Variants in NXPH1 observed in about 807,000 individuals in gnomAD.
NXPH1 encodes the protein neurexophilin-1.
A neutral mutation model predicts 23.7 loss-of-function variants in NXPH1; 5 were observed. The ratio of observed to expected loss-of-function variants is 0.21; its 90% confidence interval spans 0.11 to 0.44. The LOEUF (loss-of-function observed/expected upper bound fraction) is 0.44. Among genes scored for constraint, NXPH1 ranks in the 20% least tolerant of loss-of-function variants. NXPH1 has a pLI of 0.99. For missense variants in NXPH1, 324 were observed against 321.6 expected (o/e 1.01, Z -0.06); for synonymous variants, 144 against 122.2 (o/e 1.18, Z -1.18).
chr7:8,558,751 C>A (rs954718344), intron 2 of NXPH1, among the ~76,000 whole-genome samples: 2 of 151,638 alleles, frequency 1.3e-5, no homozygotes, highest in Admixed American at 6.6e-5. Flanking sequence ...CAGCCTACAG[C>A]AGATTTCGAG....
At chr7:8,745,669 C>A (rs914549880) in intron 2 of NXPH1, among the ~76,000 whole-genome samples, 2 of 151,380 alleles carry the variant, frequency 1.3e-5, no homozygotes, top group African/African-American at 4.9e-5. Flanking sequence ...TCTCCTGCCT[C>A]TGCCTCCCTA....
At position 8,546,700 on chromosome 7, in the gene NXPH1, T is replaced by A. The variant is rs553102877; in HGVS notation, c.54+110933T>A. 2.6e-5 allele frequency among the ~76,000 whole-genome samples: 4 copies of A among 151,558 alleles called. No individual in the cohort carries two copies. In the East Asian group the frequency reaches 7.8e-4, roughly 30 times the overall value. ...GCTTGCTTATCTTTCTGCTCATTCA[T>A]CTCCCAGTGACCCCTCTTCCCTGCT... On this transcript the variant is annotated intron_variant, in intron 2 of 2. Coordinates refer to ENST00000405863, the MANE Select transcript of NXPH1 (RefSeq NM_152745.3).
At chr7:8,623,402 ACAAT>A (rs1252244109) in intron 2 of NXPH1, among the ~76,000 whole-genome samples, 20 of 152,202 alleles carry the variant, frequency 1.3e-4, no homozygotes, top group Admixed American at 9.2e-4. Flanking sequence ...TTTCAAGTAA[ACAAT>A]CAGACAAATT....
At chr7:8,490,260 AAC>A (rs1261797734) in intron 2 of NXPH1, among the ~76,000 whole-genome samples, 1 of 152,122 alleles carries the variant, frequency 6.6e-6, no homozygotes, top group Admixed American at 6.6e-5. Context: ...AATTTTAAAA[AAC>A]ACAGGAGAGA....
At chr7:8,717,257 A>G (rs1428636202) in intron 2 of NXPH1, among the ~76,000 whole-genome samples, 8 of 151,548 alleles carry the variant, frequency 5.3e-5, no homozygotes, top group Non-Finnish European at 8.9e-5. Context: ...TGATTTTAAG[A>G]AAAAAAATGT....
chr7:8,692,779 C>T (rs144703403), intron 2 of NXPH1, among the ~76,000 whole-genome samples: 1 of 152,074 alleles, frequency 6.6e-6, no homozygotes, highest in African/African-American at 2.4e-5. Flanking sequence ...GTGATGGTAA[C>T]TTCTAAAGCC....
At chr7:8,528,652 G>A (rs1817902679) in intron 2 of NXPH1, among the ~76,000 whole-genome samples, 1 of 152,146 alleles carries the variant, frequency 6.6e-6, no homozygotes, top group African/African-American at 2.4e-5. Flanking sequence ...GTTTGCTACT[G>A]ACAATCATAA....
At chr7:8,683,206 A>C (rs960075232) in intron 2 of NXPH1, among the ~76,000 whole-genome samples, 1 of 152,190 alleles carries the variant, frequency 6.6e-6, no homozygotes, top group Non-Finnish European at 1.5e-5. Flanking sequence ...GGCTCTTTTA[A>C]ACAACTGTCT....
intron 2 of NXPH1, among the ~76,000 whole-genome samples, chr7:8,549,415 T>G (rs1818245745): frequency 6.6e-6 from 1 of 151,596 alleles, no homozygotes; most frequent in Admixed American, 6.6e-5. Context: ...TATCCAGGCT[T>G]TATTCTGAGT....
intron 2 of NXPH1, among the ~76,000 whole-genome samples, chr7:8,559,310 T>C (rs1025889532): frequency 6.6e-6 from 1 of 151,680 alleles, no homozygotes; most frequent in African/African-American, 2.4e-5. Context: ...CTTAATTTGA[T>C]TGAAAAAGAA....
intron 2 of NXPH1, among the ~76,000 whole-genome samples, chr7:8,450,097 T>TA (rs1226075238): frequency 1.3e-5 from 2 of 152,200 alleles, no homozygotes; most frequent in Non-Finnish European, 2.9e-5. Flanking sequence ...GTAGTAGATT[T>TA]AAAAATGATA....
intron 2 of NXPH1, among the ~76,000 whole-genome samples, chr7:8,703,567 T>C (rs1384231542): frequency 6.6e-6 from 1 of 152,016 alleles, no homozygotes; most frequent in Non-Finnish European, 1.5e-5. Context: ...TTTTTGCTTA[T>C]AGTATGCAGT....
chr7:8,634,941 C>G (rs1348846376), intron 2 of NXPH1, among the ~76,000 whole-genome samples: 2 of 152,048 alleles, frequency 1.3e-5, no homozygotes, highest in East Asian at 3.8e-4. Flanking sequence ...TAACTTTCTG[C>G]TGTGTGTAGA....
chr7:8,670,543 A>T (rs1351487020), intron 2 of NXPH1, among the ~76,000 whole-genome samples: 2 of 151,784 alleles, frequency 1.3e-5, no homozygotes, highest in Non-Finnish European at 2.9e-5. Context: ...AACATGTCCA[A>T]GTCCTTTTGT....
chr7:8,646,046 G>T (rs1417927902), intron 2 of NXPH1, among the ~76,000 whole-genome samples: 1 of 152,088 alleles, frequency 6.6e-6, no homozygotes, highest in African/African-American at 2.4e-5. Context: ...TTTTGATTTT[G>T]CTATTAATTA....
At chr7:8,518,715 G>A (rs958405294) in intron 2 of NXPH1, among the ~76,000 whole-genome samples, 16 of 152,120 alleles carry the variant, frequency 1.1e-4, no homozygotes, top group African/African-American at 3.6e-4. Context: ...CAAACTCCTG[G>A]CCTCAAGCAA....
intron 2 of NXPH1, among the ~76,000 whole-genome samples, chr7:8,456,669 C>CA (rs1477509075): frequency 6.6e-6 from 1 of 152,038 alleles, no homozygotes; most frequent in Non-Finnish European, 1.5e-5. Context: ...AAAACCAAAA[C>CA]AAAAGTAGTT....
rs186669277 is a variant in NXPH1, at chr7:8,518,360, A to C, written c.54+82593A>C. Among the ~76,000 whole-genome samples, 148 of 152,250 alleles carry C rather than the reference A, an allele frequency of 9.7e-4. 1 individual carries two copies. The highest frequency in any genetic ancestry group is 3.4e-3 in the African/African-American group (142 of 41,556). Reference sequence around the variant, plus strand: ...TAAATGTCTTCATCATCAACAACATAGTTATTATGTCTCACATTTTCAAGG... The same window carrying C: ...TAAATGTCTTCATCATCAACAACATCGTTATTATGTCTCACATTTTCAAGG... On this transcript the variant is annotated intron_variant, in intron 2 of 2. Coordinates refer to ENST00000405863, the MANE Select transcript of NXPH1 (RefSeq NM_152745.3).
intron 2 of NXPH1, among the ~76,000 whole-genome samples, chr7:8,650,060 C>G (rs12670323): frequency 0.7 from 106,720 of 151,922 alleles, 38,317 homozygotes; most frequent in East Asian, 1. Context: ...TCTGTTGCTG[C>G]TATTTCTGGA....
Sources: allele counts gnomAD v4.1 joint callset (sites outside exome capture counted in the v4.1 genomes callset), GRCh38; gene constraint gnomAD v4.1.1; transcripts MANE v1.5; gene names NCBI Gene and HGNC (gene_info 2026-07-23, HGNC 2026-07-21).